The following KIF3A variants were observed in gnomAD, a reference collection of about 807,000 sequenced individuals.
KIF3A encodes kinesin family member 3A.
KIF3A carries 27 observed loss-of-function variants against 92.6 expected under a neutral mutation model. The observed-to-expected ratio is 0.29, with a 90% CI of 0.21 to 0.40. KIF3A has a LOEUF of 0.40. Among genes scored for constraint, KIF3A ranks in the 10% least tolerant of loss-of-function variants. The pLI is 1.00. For synonymous variants in KIF3A, 250 were observed against 275.4 expected (o/e 0.91, Z 0.92); for missense variants, 581 against 872.6 (o/e 0.67, Z 4.21).
chr5:132,724,809 ATATATATAT>A lies in KIF3A; in HGVS notation c.510+1310_510+1318del, dbSNP rs1753968189. ...AAGTATAATAAAAAAAAAAAAAAATATATATATATATATATATATATATATATATATATA... is the reference window on the plus strand; with the variant it reads ...AAGTATAATAAAAAAAAAAAAAAATAATATATATATATATATATATATATA... On this transcript the variant is annotated intron_variant, in intron 4 of 18. Coordinates refer to ENST00000403231, the MANE Select transcript of KIF3A (RefSeq NM_001300791.2). 1.9e-3 allele frequency among the ~76,000 whole-genome samples: 20 copies of A among 10,516 alleles called. 1 individual carries two copies. The highest frequency in any genetic ancestry group is 7.0e-3 in the South Asian group (2 of 284). The allele number at this position is 10,516 out of a possible 152,430, so 6.9% of individuals were successfully genotyped here.
intron 11 of KIF3A, 25 bp downstream of exon 11, chr5:132,706,426 T>C (rs1395824009): frequency 1.3e-6 from 2 of 1,521,786 alleles, no homozygotes. Flanking sequence ...TTGTACCATG[T>C]GGAGTGCAAA....
At chr5:132,698,729 A>AT (rs200925076) in intron 18 of KIF3A, among the ~76,000 whole-genome samples, 63,551 of 131,858 alleles carry the variant, frequency 0.48, 17,866 homozygotes, top group Non-Finnish European at 0.63. Flanking sequence ...AAGGAATTTG[A>AT]TTTTTTTTTT....
At chr5:132,705,744 C>T (rs3798132) in intron 11 of KIF3A, among the ~76,000 whole-genome samples, 60,210 of 151,828 alleles carry the variant, frequency 0.4, 18,440 homozygotes, top group African/African-American at 0.82. Flanking sequence ...ATCACTCTGA[C>T]AAATCATTAT....
chr5:132,711,611 C>T (rs1331682601), intron 8 of KIF3A, among the ~76,000 whole-genome samples: 3 of 151,612 alleles, frequency 2.0e-5, no homozygotes, highest in Non-Finnish European at 4.4e-5. Context: ...TAAAAATATT[C>T]AAATCATTTC....
chr5:132,696,723 A>C (rs528081117), intron 18 of KIF3A, 41 bp from the exon 19 acceptor site: 1 of 1,447,918 alleles, frequency 6.9e-7, no homozygotes. Context: ...ATGCTTTCCT[A>C]AAAGACTGAA....
chr5:132,712,165 A>T (rs1753450191), intron 8 of KIF3A, among the ~76,000 whole-genome samples: 1 of 152,234 alleles, frequency 6.6e-6, no homozygotes, highest in African/African-American at 2.4e-5. Context: ...TAATGAGCAC[A>T]GCTAGTGCCC....
In KIF3A at chr5:132,717,000, G is replaced by A. The variant is rs779358025; in HGVS notation, c.617-16C>T. Reference sequence around the variant, plus strand: ...CCAACAGAACCTTTAATAAATAAACGAAATCCTTTAAAAGTGTAACAGAGA... The same window carrying A: ...CCAACAGAACCTTTAATAAATAAACAAAATCCTTTAAAAGTGTAACAGAGA... On this transcript the variant is annotated splice_polypyrimidine_tract_variant and intron_variant, in intron 5 of 18. Coordinates refer to ENST00000403231, the MANE Select transcript of KIF3A (RefSeq NM_001300791.2). 5 of 1,610,504 alleles carry A rather than the reference G, an allele frequency of 3.1e-6. No individual in the cohort carries two copies. Among genetic ancestry groups the A allele is most frequent in the Non-Finnish European group, 3.4e-6 (4 of 1,177,934 alleles).
At chr5:132,718,323 T>A (rs1753704658) in intron 5 of KIF3A, among the ~76,000 whole-genome samples, 1 of 152,238 alleles carries the variant, frequency 6.6e-6, no homozygotes, top group African/African-American at 2.4e-5. Flanking sequence ...TTTGTTGTTT[T>A]GTTTGAGACA....
chr5:132,734,793 C>T (rs1302660840), intron 1 of KIF3A, among the ~76,000 whole-genome samples: 3 of 152,182 alleles, frequency 2.0e-5, no homozygotes, highest in Non-Finnish European at 4.4e-5. Flanking sequence ...AAGTCTCTGA[C>T]CCAGCGTTTC....
At position 132,706,450 on chromosome 5, in the gene KIF3A, C is replaced by A. The variant is rs1314942218; in HGVS notation, c.1309+1G>T. On this transcript the variant is annotated splice_donor_variant, in intron 11 of 18. Coordinates refer to ENST00000403231, the MANE Select transcript of KIF3A (RefSeq NM_001300791.2). LOFTEE classifies it high-confidence loss of function. ...GTGGAGTGCAAATCAATCACACCAACCTGCTTGATCTTGCAATAAGAAGTA... is the reference window on the plus strand; with the variant it reads ...GTGGAGTGCAAATCAATCACACCAAACTGCTTGATCTTGCAATAAGAAGTA... 3 of 1,541,996 alleles carry A rather than the reference C, an allele frequency of 1.9e-6. No homozygotes were observed. The East Asian group carries it at 7.5e-5, about 39-fold the overall frequency.
chr5:132,726,858 A>G (rs1417021960), intron 2 of KIF3A, among the ~76,000 whole-genome samples: 2 of 152,224 alleles, frequency 1.3e-5, no homozygotes, highest in Admixed American at 1.3e-4. Context: ...AAAAGAATAC[A>G]GGCTCTAGAG....
In KIF3A at chr5:132,727,295, T is replaced by C. The variant is rs569887023; in HGVS notation, c.281-797A>G. Among the ~76,000 whole-genome samples the C allele has an allele frequency of 4.9e-4, 74 of 152,338 alleles. 1 individual carries two copies. The highest frequency in any genetic ancestry group is 6.8e-3 in the Middle Eastern group (2 of 294). On this transcript the variant is annotated intron_variant, in intron 2 of 18. Coordinates refer to ENST00000403231, the MANE Select transcript of KIF3A (RefSeq NM_001300791.2). ...GTGACAAGACAAACACAATCCCTAA[T>C]CTTATGATGTGTATAATCTTGGGTT...
intron 8 of KIF3A, among the ~76,000 whole-genome samples, chr5:132,714,667 T>C (rs1753557173): frequency 6.6e-6 from 1 of 152,126 alleles, no homozygotes; most frequent in Non-Finnish European, 1.5e-5. Flanking sequence ...CATTTCTGTT[T>C]GGGATGATGA....
chr5:132,713,003 C>T (rs758100778), intron 8 of KIF3A, among the ~76,000 whole-genome samples: 10 of 152,188 alleles, frequency 6.6e-5, no homozygotes, highest in East Asian at 1.9e-4. Context: ...ACTAAAAATA[C>T]GAAAATTAGC....
chr5:132,719,320 A>G (rs1326493908), intron 5 of KIF3A, among the ~76,000 whole-genome samples: 1 of 151,914 alleles, frequency 6.6e-6, no homozygotes, highest in East Asian at 1.9e-4. Context: ...TAACATACAT[A>G]TTTTTTGCTA....
rs1297211550 is a variant in KIF3A at position 132,693,671 on chromosome 5, T to C, written c.*2963A>G. On this transcript the variant is annotated 3_prime_UTR_variant, in exon 19 of 19. Transcript: ENST00000403231. Reference sequence around the variant, plus strand: ...TAGCTCTGAAGTCAGTGTCCCATATTTGCATATAGATATTCAGACCAGGCT... The same window carrying C: ...TAGCTCTGAAGTCAGTGTCCCATATCTGCATATAGATATTCAGACCAGGCT... 2 of 152,626 alleles carry C rather than the reference T, an allele frequency of 1.3e-5. No homozygotes were observed. Among genetic ancestry groups the C allele is most frequent in the African/African-American group, 4.8e-5 (2 of 41,394 alleles). 9.5% of individuals were successfully genotyped at this position (152,626 alleles called of 1,614,324 possible).
chr5:132,718,466 C>A (rs1446537213), intron 5 of KIF3A, among the ~76,000 whole-genome samples: 1 of 152,090 alleles, frequency 6.6e-6, no homozygotes, highest in Non-Finnish European at 1.5e-5. Context: ...CGCACCACCA[C>A]GCCCAGCTAA....
At chr5:132,731,371 GACC>G in intron 2 of KIF3A, among the ~76,000 whole-genome samples, 1 of 151,904 alleles carries the variant, frequency 6.6e-6, no homozygotes. Flanking sequence ...CAATGTAATT[GACC>G]ATATTAACAA....
At chr5:132,720,433 A>T (rs1183021497) in intron 5 of KIF3A, among the ~76,000 whole-genome samples, 176 bp downstream of exon 5, 1 of 152,190 alleles carries the variant, frequency 6.6e-6, no homozygotes, top group Non-Finnish European at 1.5e-5. Flanking sequence ...ATGGAAAATG[A>T]TTTGTGGTAT....
Sources: allele counts gnomAD v4.1 joint callset (sites outside exome capture counted in the v4.1 genomes callset), GRCh38; gene constraint gnomAD v4.1.1; transcripts MANE v1.5; gene names NCBI Gene and HGNC (gene_info 2026-07-23, HGNC 2026-07-21).